Variants in CUL3 observed in about 807,000 individuals in gnomAD.
The protein encoded by CUL3 is cullin 3.
CUL3 carries 19 observed loss-of-function variants against 89.1 expected under a neutral mutation model. That is an observed-to-expected ratio of 0.21 (90% confidence interval 0.15 to 0.31). CUL3 has a LOEUF of 0.31. CUL3 is among the 10% of genes least tolerant of loss of function. CUL3 has a pLI of 1.00. For synonymous variants in CUL3, 351 were observed against 308.4 expected (o/e 1.14, Z -1.45); for missense variants, 469 against 942.3 (o/e 0.50, Z 6.58).
chr2:224,484,411 T>G (rs1355636596), intron 13 of CUL3, among the ~76,000 whole-genome samples: 1 of 152,110 alleles, frequency 6.6e-6, no homozygotes, highest in African/African-American at 2.4e-5. Flanking sequence ...TTCTATGCTT[T>G]CTCTATCTAT....
rs555694635 is a variant in CUL3, at chr2:224,540,994, C to A, written c.265-5353G>T. On this transcript the variant is annotated intron_variant, in intron 2 of 15. Transcript: ENST00000264414. ...GCTGTATCATATCATGTCCAATGCA[C>A]CATAGTAATCCAAAGAAAAAGGTCA... 6.6e-5 allele frequency among the ~76,000 whole-genome samples: 10 copies of A among 152,102 alleles called. No individual in the cohort carries two copies. In the East Asian group the frequency reaches 1.9e-3, roughly 29 times the overall value.
At chr2:224,476,451 G>A (rs776683795) in intron 15 of CUL3, among the ~76,000 whole-genome samples, 2 of 152,086 alleles carry the variant, frequency 1.3e-5, no homozygotes, top group African/African-American at 2.4e-5. Flanking sequence ...ACCATTCTTC[G>A]ACAAGTATTA....
chr2:224,475,262 C>G (rs1691273236), intron 15 of CUL3, among the ~76,000 whole-genome samples: 5 of 152,200 alleles, frequency 3.3e-5, no homozygotes, highest in Admixed American at 3.3e-4. Flanking sequence ...TGTGATCTGC[C>G]TGCCTCGGCC....
At chr2:224,506,405 T>C (rs1216118930) in intron 7 of CUL3, among the ~76,000 whole-genome samples, 11 of 152,148 alleles carry the variant, frequency 7.2e-5, no homozygotes, top group African/African-American at 1.9e-4. Context: ...CTTGATGGAA[T>C]GGGTTAGCCA....
At chr2:224,535,667 T>G (rs766886890) in intron 2 of CUL3, 26 bp from the exon 3 acceptor site, 1 of 1,398,796 alleles carries the variant, frequency 7.1e-7, no homozygotes, top group Non-Finnish European at 1.0e-6. Context: ...TTCATTAGTT[T>G]GCACACACAC....
At chr2:224,476,315 C>A (rs1284897903) in intron 15 of CUL3, among the ~76,000 whole-genome samples, 1 of 152,212 alleles carries the variant, frequency 6.6e-6, no homozygotes, top group African/African-American at 2.4e-5. Flanking sequence ...CCGCGAGTCA[C>A]ACGCATTTAT....
intron 2 of CUL3, among the ~76,000 whole-genome samples, chr2:224,549,225 G>A (rs898822782): frequency 4.5e-4 from 69 of 151,786 alleles, no homozygotes; most frequent in Admixed American, 5.9e-4. Context: ...GCTGAGGCAC[G>A]AGATTTGCTT....
chr2:224,573,059 G>C (rs891363426), intron 1 of CUL3, among the ~76,000 whole-genome samples: 60 of 152,254 alleles, frequency 3.9e-4, no homozygotes, highest in African/African-American at 1.4e-3. Context: ...GCTAGTGATA[G>C]CATTCATCAA....
chr2:224,508,559 C>G (rs1265752393), intron 6 of CUL3, among the ~76,000 whole-genome samples: 2 of 152,086 alleles, frequency 1.3e-5, no homozygotes, highest in East Asian at 3.9e-4. Context: ...TAAATTACTA[C>G]AATTTCATTG....
intron 1 of CUL3, among the ~76,000 whole-genome samples, chr2:224,573,191 T>G (rs1161878590): frequency 6.6e-6 from 1 of 152,208 alleles, no homozygotes; most frequent in African/African-American, 2.4e-5. Flanking sequence ...TAGTATATTC[T>G]TAAAGACAAA....
intron 2 of CUL3, among the ~76,000 whole-genome samples, chr2:224,555,217 A>G (rs1323769404): frequency 6.6e-6 from 1 of 152,136 alleles, no homozygotes; most frequent in Non-Finnish European, 1.5e-5. Flanking sequence ...TCTAAACAAA[A>G]CTTATCATAT....
At chr2:224,524,658 C>T (rs1693398341) in intron 3 of CUL3, among the ~76,000 whole-genome samples, 1 of 152,046 alleles carries the variant, frequency 6.6e-6, no homozygotes. Context: ...GGTGATCTGA[C>T]TGTACTTTAC....
At chr2:224,493,650 T>C (rs1199008737) in intron 13 of CUL3, among the ~76,000 whole-genome samples, 1 of 152,204 alleles carries the variant, frequency 6.6e-6, no homozygotes, top group African/African-American at 2.4e-5. Context: ...TTCCAGCAAT[T>C]CCAGTAACAG....
At chr2:224,481,755 G>T in intron 14 of CUL3, 137 bp downstream of exon 14, 1 of 520,920 alleles carries the variant, frequency 1.9e-6, no homozygotes, top group Non-Finnish European at 3.1e-6. Flanking sequence ...ATCAATAAAA[G>T]CTGCTTTCTT....
chr2:224,495,853 A>G lies in CUL3; in HGVS notation c.1821T>C (p.Asn607=). The G allele has an allele frequency of 6.2e-7, 1 of 1,609,988 alleles. No individual in the cohort carries two copies. The highest frequency in any genetic ancestry group is 8.5e-7 in the Non-Finnish European group (1 of 1,176,766). The change falls in exon 13 of 16, where the codon AAT becomes AAC. Residue 607 remains asparagine, a synonymous_variant. Transcript: ENST00000264414. ...FQMTILMLFN[N]REKYTFEEIQ... ...ATACCTCAAATGTGTATTTTTCTCT[A>G]TTATTAAAGAGCATTAATATGGTCA...
chr2:224,572,285 C>G (rs934604822), intron 1 of CUL3, among the ~76,000 whole-genome samples: 1 of 152,076 alleles, frequency 6.6e-6, no homozygotes, highest in South Asian at 2.1e-4. Context: ...GTCTCTGCCA[C>G]GGTTTGAATG....
chr2:224,532,299 A>AG (rs1361999865), intron 3 of CUL3, among the ~76,000 whole-genome samples: 1 of 152,234 alleles, frequency 6.6e-6, no homozygotes, highest in Non-Finnish European at 1.5e-5. Context: ...CCTCTATTTA[A>AG]GGGGGGATGG....
chr2:224,513,107 T>C (rs1692900388), intron 5 of CUL3, among the ~76,000 whole-genome samples: 1 of 152,212 alleles, frequency 6.6e-6, no homozygotes, highest in South Asian at 2.1e-4. Flanking sequence ...GCTTACTTTA[T>C]TGTAAGAGTA....
chr2:224,567,657 G>A (rs779058860), intron 1 of CUL3, among the ~76,000 whole-genome samples: 26 of 151,726 alleles, frequency 1.7e-4, no homozygotes, highest in Non-Finnish European at 2.6e-4. Context: ...GGAGAATGGC[G>A]TGAACCCAGG....
Sources: allele counts gnomAD v4.1 joint callset (sites outside exome capture counted in the v4.1 genomes callset), GRCh38; gene constraint gnomAD v4.1.1; transcripts MANE v1.5; gene names NCBI Gene and HGNC (gene_info 2026-07-23, HGNC 2026-07-21).